The following ABCB1 variants were observed in gnomAD, a reference collection of about 807,000 sequenced individuals.
ABCB1 encodes the protein ATP binding cassette subfamily B member 1, also known as ATP-dependent translocase ABCB1.
ABCB1 carries 69 observed loss-of-function variants against 142.0 expected under a neutral mutation model. That is an observed-to-expected ratio of 0.49 (90% CI 0.40 to 0.59). The LOEUF (loss-of-function observed/expected upper bound fraction) is 0.59, where lower values mean the gene tolerates loss of function less well. Among genes scored for constraint, ABCB1 ranks in the 20% least tolerant of loss-of-function variants. ABCB1 has a pLI of 0.00. For synonymous variants in ABCB1, 532 were observed against 539.2 expected (o/e 0.99, Z 0.18); for missense variants, 1,326 against 1,554.7 (o/e 0.85, Z 2.47).
intron 1 of ABCB1, among the ~76,000 whole-genome samples, chr7:87,620,114 C>T (rs1362841253): frequency 6.6e-6 from 1 of 151,968 alleles, no homozygotes; most frequent in Admixed American, 6.6e-5. Context: ...AGCTGAAAAT[C>T]CTGTTTAGAC....
chr7:87,588,660 A>G (rs1818861857), intron 3 of ABCB1, among the ~76,000 whole-genome samples: 1 of 152,216 alleles, frequency 6.6e-6, no homozygotes, highest in African/African-American at 2.4e-5. Context: ...ATGTGTCTTT[A>G]TAATACAATG....
At chr7:87,652,356 GC>G (rs1823658934) in intron 1 of ABCB1, among the ~76,000 whole-genome samples, 1 of 151,976 alleles carries the variant, frequency 6.6e-6, no homozygotes, top group African/African-American at 2.4e-5. Context: ...GATGCCTCCT[GC>G]GCACTAATCT....
At position 87,566,943 on chromosome 7, in the gene ABCB1, C is replaced by T. The variant is rs773873031; in HGVS notation, c.372G>A (p.Gly124=). 6.2e-7 allele frequency: 1 copy of T among 1,614,128 alleles called. No individual in the cohort carries two copies. The highest frequency in any genetic ancestry group is 1.1e-5 in the South Asian group (1 of 91,070). ...CCTGAATGTAAGCAGCAACCAGCAC[C>T]CCAGCACCAATTCCACTGTAATAAT... ...YAYYYSGIGA[G]VLVAAYIQVS... Residue 124 remains glycine (G), a synonymous_variant, in exon 6 of 28, where the codon GGG becomes GGA. Transcript: ENST00000622132.
chr7:87,680,682 T>C, intron 1 of ABCB1, among the ~76,000 whole-genome samples: 1 of 149,860 alleles, frequency 6.7e-6, no homozygotes, highest in Admixed American at 6.7e-5. Flanking sequence ...TAATCCCAGC[T>C]ACTTAGGAGG....
rs754765644 is a variant in ABCB1 at position 87,541,430 on chromosome 7, C to A, written c.2246G>T (p.Arg749Leu). The A allele has an allele frequency of 3.2e-5, 52 of 1,609,180 alleles. No individual in the cohort carries two copies. Among genetic ancestry groups the A allele is most frequent in the Admixed American group, 8.3e-5 (5 of 59,986 alleles). Reference sequence around the variant, plus strand: ...TAGTGAAAACAAGTTACTATTCTGTCGTTTTGTTTCAGGATCATCAATTCT... The same window carrying A: ...TAGTGAAAACAAGTTACTATTCTGTAGTTTTGTTTCAGGATCATCAATTCT... Reference protein sequence around the residue: ...FTRIDDPETKRQNSNLFSLLF... With the variant: ...FTRIDDPETKLQNSNLFSLLF... The change falls in exon 18 of 28, where the codon CGA becomes CTA. Residue 749 changes from arginine (R) to leucine (L), a missense_variant. Arg to Leu is a moderately radical substitution (Grantham distance 102). Transcript: ENST00000622132.
intron 3 of ABCB1, 144 bp downstream of exon 3, chr7:87,595,621 AT>A: frequency 1.5e-6 from 1 of 656,058 alleles, no homozygotes; most frequent in East Asian, 2.7e-5. Context: ...TCTCCTGAAA[AT>A]AAGCTAAATC....
At chr7:87,590,144 A>T (rs1818938998) in intron 3 of ABCB1, among the ~76,000 whole-genome samples, 1 of 152,230 alleles carries the variant, frequency 6.6e-6, no homozygotes, top group African/African-American at 2.4e-5. Context: ...TATTTGAAAG[A>T]ACCTAATAAG....
At chr7:87,551,019 T>G (rs1817043009) in intron 9 of ABCB1, among the ~76,000 whole-genome samples, 181 bp from the exon 10 acceptor site, 2 of 152,200 alleles carry the variant, frequency 1.3e-5, no homozygotes, top group African/African-American at 2.4e-5. Flanking sequence ...AATTCCTTTT[T>G]TCATTTTTTT....
At chr7:87,562,580 C>T (rs1291409309) in intron 7 of ABCB1, among the ~76,000 whole-genome samples, 1 of 152,074 alleles carries the variant, frequency 6.6e-6, no homozygotes, top group Admixed American at 6.5e-5. Context: ...TAAAGAAATA[C>T]TTTAAAGTTA....
chr7:87,652,125 A>G (rs1823637673), intron 1 of ABCB1, among the ~76,000 whole-genome samples: 1 of 152,144 alleles, frequency 6.6e-6, no homozygotes, highest in Non-Finnish European at 1.5e-5. Context: ...TTTATAAACA[A>G]TGCCTAACTA....
Position 87,585,516 on chromosome 7 carries a change from A to T in ABCB1, c.282T>A (p.Asn94Lys), listed in dbSNP as rs528004506. 7 of 1,613,484 alleles carry T rather than the reference A, an allele frequency of 4.3e-6. No homozygotes were observed. Among genetic ancestry groups the T allele is most frequent in the Middle Eastern group, 1.6e-4 (1 of 6,062 alleles). Residue 94 changes from asparagine (N) to lysine (K), a missense_variant, in exon 4 of 28, where the codon AAT becomes AAA. Asn to Lys is a moderately conservative substitution (Grantham distance 94, BLOSUM62 0). Transcript: ENST00000622132. ...NLEDLMSNIT[N>K]RSDINDTGFF... ...TGGTACACAAACAATACTTACTTCT[A>T]TTAGTGATGTTTGACATCAGATCTT...
At chr7:87,610,247 T>C (rs921260090) in intron 1 of ABCB1, among the ~76,000 whole-genome samples, 3 of 147,826 alleles carry the variant, frequency 2.0e-5, no homozygotes, top group Non-Finnish European at 3.0e-5. Flanking sequence ...TTTTTTTTTT[T>C]TTTTTTCTCA....
intron 14 of ABCB1, among the ~76,000 whole-genome samples, chr7:87,547,406 T>C (rs1390012603): frequency 6.6e-6 from 1 of 152,184 alleles, no homozygotes. Context: ...ATTTAATACA[T>C]AGTTTCACTA....
At chr7:87,691,247 A>C (rs1170931447) in intron 1 of ABCB1, among the ~76,000 whole-genome samples, 1 of 152,194 alleles carries the variant, frequency 6.6e-6, no homozygotes, top group Admixed American at 6.5e-5. Context: ...TTTGATATTG[A>C]AAAGTACATA....
chr7:87,695,355 G>A (rs1168791024), intron 1 of ABCB1, among the ~76,000 whole-genome samples: 2 of 151,980 alleles, frequency 1.3e-5, no homozygotes, highest in Non-Finnish European at 2.9e-5. Context: ...ATAAAATAGT[G>A]GATAATATTA....
intron 4 of ABCB1, among the ~76,000 whole-genome samples, chr7:87,582,978 T>C (rs1193109972): frequency 6.6e-6 from 1 of 152,204 alleles, no homozygotes; most frequent in Non-Finnish European, 1.5e-5. Context: ...AAGGGATGAT[T>C]ATTCACATCA....
chr7:87,709,323 G>T, intron 1 of ABCB1: 1 of 985,104 alleles, frequency 1.0e-6, no homozygotes, highest in South Asian at 4.7e-5. Flanking sequence ...TCAAGACACC[G>T]CTACTAGTTT....
At chr7:87,696,543 G>T (rs1289664178) in intron 1 of ABCB1, among the ~76,000 whole-genome samples, 1 of 152,074 alleles carries the variant, frequency 6.6e-6, no homozygotes, top group Non-Finnish European at 1.5e-5. Context: ...GGATATACAG[G>T]CAATTTACAT....
Position 87,530,790 on chromosome 7 carries a change from A to AAAGAAAGCAAGAAAGC in ABCB1, c.2685+488_2685+503dup, listed in dbSNP as rs202065141. Among the ~76,000 whole-genome samples, 153 of 118,326 alleles carry AAAGAAAGCAAGAAAGC rather than the reference A, an allele frequency of 1.3e-3. 2 individuals carry two copies. The highest frequency in any genetic ancestry group is 3.8e-3 in the African/African-American group (122 of 32,414). The allele number at this position is 118,326 out of a possible 152,430, so 77.6% of individuals were successfully genotyped here. On this transcript the variant is annotated intron_variant, in intron 21 of 27. Transcript: ENST00000622132. ...AATGGATTTAAGCTTGAAAGAAAAG[A>AAAGAAAGCAAGAAAGC]AAGAAAGCAAGAAAGCAAGAAAGCA...
Sources: allele counts gnomAD v4.1 joint callset (sites outside exome capture counted in the v4.1 genomes callset), GRCh38; gene constraint gnomAD v4.1.1; transcripts MANE v1.5; gene names NCBI Gene and HGNC (gene_info 2026-07-23, HGNC 2026-07-21).